The following DNAH10 variants were observed in gnomAD, a reference collection of about 807,000 sequenced individuals.
DNAH10 encodes the protein dynein axonemal heavy chain 10, also known as axonemal beta dynein heavy chain 10.
DNAH10 carries 348 observed loss-of-function variants against 506.6 expected under a neutral mutation model. That is an observed-to-expected ratio of 0.69 (90% CI 0.63 to 0.75). The LOEUF (loss-of-function observed/expected upper bound fraction) is 0.75. Among genes scored for constraint, DNAH10 ranks in the 30% least tolerant of loss-of-function variants. The pLI is 0.00. For synonymous variants in DNAH10, 2,059 were observed against 2,198.6 expected (o/e 0.94, Z 1.78); for missense variants, 5,179 against 5,787.1 (o/e 0.89, Z 3.41).
chr12:123,842,141 A>T (rs550160067), intron 30 of DNAH10, among the ~76,000 whole-genome samples: 1 of 152,228 alleles, frequency 6.6e-6, no homozygotes, highest in East Asian at 1.9e-4. Flanking sequence ...GCACCTGCCC[A>T]TCAGAACTCT....
intron 12 of DNAH10, 91 bp downstream of exon 12, chr12:123,794,203 C>G: frequency 1.0e-6 from 1 of 958,388 alleles, no homozygotes; most frequent in African/African-American, 1.8e-5. Flanking sequence ...TCTTTCCCAT[C>G]TGAATTCAGA....
intron 50 of DNAH10, among the ~76,000 whole-genome samples, chr12:123,880,393 G>C (rs1252204166): frequency 2.0e-5 from 3 of 152,164 alleles, no homozygotes; most frequent in Non-Finnish European, 4.4e-5. Context: ...AGGCCACAGT[G>C]CAGTGGTACG....
chr12:123,773,269 G>A (rs181273775), intron 4 of DNAH10, among the ~76,000 whole-genome samples: 60 of 152,376 alleles, frequency 3.9e-4, no homozygotes, highest in African/African-American at 1.4e-3. Flanking sequence ...ATCAAGGGAA[G>A]AGTCCAAGTA....
chr12:123,929,930 G>A (rs1955130251), intron 72 of DNAH10, 171 bp downstream of exon 72: 1 of 651,380 alleles, frequency 1.5e-6, no homozygotes, highest in Non-Finnish European at 2.6e-6. Context: ...TGTCCTAAGT[G>A]AGCTCTGTTC....
Position 123,925,673 on chromosome 12 carries a change from C to G in DNAH10, c.11921+469C>G, listed in dbSNP as rs1165396364. The G allele has an allele frequency of 6.3e-6, 1 of 157,552 alleles. No individual in the cohort carries two copies. Among genetic ancestry groups the G allele is most frequent in the African/African-American group, 2.4e-5 (1 of 41,484 alleles). 9.8% of individuals were successfully genotyped at this position (157,552 alleles called of 1,614,324 possible). On this transcript the variant is annotated intron_variant, in intron 68 of 78. Transcript: ENST00000673944. The surrounding 1 kb of genome is among the most constrained non-coding windows in gnomAD (Gnocchi z 4.0). ...GGCCATCGCACTGGACAATGTAGCT[C>G]TAGCATGGGGTACGAAGCCAGGCGG...
chr12:123,861,568 A>G (rs1177149709), intron 39 of DNAH10, among the ~76,000 whole-genome samples: 1 of 152,250 alleles, frequency 6.6e-6, no homozygotes, highest in Non-Finnish European at 1.5e-5. Context: ...GCAAAGGGCC[A>G]TGGAAAGTGC....
At position 123,902,021 on chromosome 12, in the gene DNAH10, G is replaced by A. The variant is rs1953545451; in HGVS notation, c.9641-918G>A. Among the ~76,000 whole-genome samples the A allele has an allele frequency of 6.6e-6, 1 of 152,124 alleles. No homozygotes were observed. Among genetic ancestry groups the A allele is most frequent in the South Asian group, 2.1e-4 (1 of 4,820 alleles). On this transcript the variant is annotated intron_variant, in intron 56 of 78. Coordinates refer to ENST00000673944, the MANE Select transcript of DNAH10 (RefSeq NM_001372106.1). This position sits in a 1 kb window ranked among gnomAD's most constrained non-coding sequence, Gnocchi z 4.5. ...CCAAAGTCTGACATCAAGGTGCCAGGACCATGCTCCCTCTGAAAGCTCTAG... is the reference window on the plus strand; with the variant it reads ...CCAAAGTCTGACATCAAGGTGCCAGAACCATGCTCCCTCTGAAAGCTCTAG...
intron 36 of DNAH10, among the ~76,000 whole-genome samples, chr12:123,855,286 G>A (rs1309720530): frequency 2.0e-5 from 3 of 152,132 alleles, no homozygotes; most frequent in Non-Finnish European, 2.9e-5. Flanking sequence ...AGAGACGCTT[G>A]CCAGGTCCTG....
chr12:123,897,817 C>T lies in DNAH10; in HGVS notation c.9328C>T (p.His3110Tyr). 6.2e-7 allele frequency: 1 copy of T among 1,610,708 alleles called. No homozygotes were observed. Among genetic ancestry groups the T allele is most frequent in the Non-Finnish European group, 8.5e-7 (1 of 1,179,054 alleles). Reference sequence around the variant, plus strand: ...AGAAAATATAGAAAATGTGGTGAAGCATGTTGTCTTGGTTCACCAATCCGT... The same window carrying T: ...AGAAAATATAGAAAATGTGGTGAAGTATGTTGTCTTGGTTCACCAATCCGT... ...PAENIENVVKHVVLVHQSVDH... is the reference protein window; with the variant it reads ...PAENIENVVKYVVLVHQSVDH... The change falls in exon 55 of 79, where the codon CAT becomes TAT. Residue 3110 changes from histidine (H) to tyrosine (Y), a missense_variant. Around this residue, in one of 3 missense-constraint regions of DNAH10, gnomAD observed 4,844 missense variants for 5,430.5 expected, o/e 0.89. Transcript: ENST00000673944.
intron 6 of DNAH10, among the ~76,000 whole-genome samples, 168 bp from the exon 7 acceptor site, chr12:123,782,939 C>T (rs889797857): frequency 1.3e-5 from 2 of 152,188 alleles, no homozygotes; most frequent in Non-Finnish European, 2.9e-5. Context: ...GTTTGAATTA[C>T]ATTCTAATGA....
chr12:123,767,986 G>C (rs995983261), intron 2 of DNAH10, among the ~76,000 whole-genome samples: 1 of 152,140 alleles, frequency 6.6e-6, no homozygotes, highest in Non-Finnish European at 1.5e-5. Context: ...CCAAGGGGAG[G>C]ATCCTTCCTA....
intron 39 of DNAH10, among the ~76,000 whole-genome samples, chr12:123,864,248 C>T (rs946589833): frequency 1.4e-5 from 2 of 146,088 alleles, no homozygotes; most frequent in Non-Finnish European, 1.5e-5. Context: ...TGGGTTCATG[C>T]GATTCTCCTG....
chr12:123,879,890 C>G, intron 50 of DNAH10, 89 bp downstream of exon 50: 2 of 1,470,116 alleles, frequency 1.4e-6, no homozygotes, highest in Non-Finnish European at 1.8e-6. Context: ...TGCCCGGGAG[C>G]CTATCACCTG....
chr12:123,840,222 T>G (rs1340982216), intron 29 of DNAH10, among the ~76,000 whole-genome samples: 1 of 151,834 alleles, frequency 6.6e-6, no homozygotes, highest in Admixed American at 6.6e-5. Context: ...TGAGAATGAG[T>G]GTTGCACGGT....
intron 73 of DNAH10, among the ~76,000 whole-genome samples, 153 bp downstream of exon 73, chr12:123,930,726 C>T (rs1955165954): frequency 6.6e-6 from 1 of 152,192 alleles, no homozygotes; most frequent in African/African-American, 2.4e-5. Flanking sequence ...TTCCTGGCTG[C>T]AGAGCTGACT....
At chr12:123,843,428 G>A (rs971067720) in intron 30 of DNAH10, among the ~76,000 whole-genome samples, 4 of 152,036 alleles carry the variant, frequency 2.6e-5, no homozygotes, top group African/African-American at 4.8e-5. Context: ...TTTCGGTGTC[G>A]TCCTCTGGGC....
At position 123,892,402 on chromosome 12, in the gene DNAH10, G is replaced by A. The variant is rs1163926809; in HGVS notation, c.8996-831G>A. The stretch of plus-strand genomic sequence containing the variant: ...CTCGCGCTCACAAGAACAGCACTAA[G>A]AGGATGGTGCTAAACCATCCATGAG... On this transcript the variant is annotated intron_variant, in intron 52 of 78. Transcript: ENST00000673944. 3.3e-5 allele frequency among the ~76,000 whole-genome samples: 5 copies of A among 152,304 alleles called. No individual in the cohort carries two copies. The East Asian group carries it at 7.7e-4, about 24-fold the overall frequency.
rs762344435 is a variant in DNAH10 at position 123,845,703 on chromosome 12, G to A, written c.5464G>A (p.Glu1822Lys). 6.2e-7 allele frequency: 1 copy of A among 1,613,956 alleles called. No individual in the cohort carries two copies. Among genetic ancestry groups the A allele is most frequent in the Non-Finnish European group, 8.5e-7 (1 of 1,179,902 alleles). ...EDVFHKAQKG[E>K]KQAMKNYGRK... ...CGTCTTCCACAAAGCGCAAAAAGGG[G>A]AGAAGCAGGCCATGAAGAACTATGG... The change falls in exon 31 of 79, where the codon GAG becomes AAG. Residue 1822 changes from glutamate to lysine, a missense_variant. Coordinates refer to ENST00000673944, the MANE Select transcript of DNAH10 (RefSeq NM_001372106.1).
rs1955223854 is a variant in DNAH10, at chr12:123,931,799, CA to C, written c.13082del (p.Asn4361ThrfsTer7). The C allele has an allele frequency of 1.9e-6, 3 of 1,613,934 alleles. No homozygotes were observed. Among genetic ancestry groups the C allele is most frequent in the Non-Finnish European group, 2.5e-6 (3 of 1,179,900 alleles). ...VVLLQELERF[N>X]KLVVRMTKSL... Reference sequence around the variant, plus strand: ...TGCTCCTGCAGGAACTGGAACGCTTCAACAAGCTTGTGGTCCGGATGACGAA... The same window carrying C: ...TGCTCCTGCAGGAACTGGAACGCTTCACAAGCTTGTGGTCCGGATGACGAA... On this transcript the variant is annotated frameshift_variant, in exon 75 of 79. Transcript: ENST00000673944. LOFTEE classifies it high-confidence loss of function.
Sources: allele counts gnomAD v4.1 joint callset (sites outside exome capture counted in the v4.1 genomes callset), GRCh38; gene constraint gnomAD v4.1.1; regional missense constraint gnomAD v4.1.1; non-coding constraint Gnocchi (gnomAD v3.1); transcripts MANE v1.5; gene names NCBI Gene and HGNC (gene_info 2026-07-23, HGNC 2026-07-21).